ASGR2: variants seen among roughly 807,000 people sequenced by gnomAD.
ASGR2 encodes asialoglycoprotein receptor 2, also known as C-type lectin domain family 4 member H2.
ASGR2 carries 34 observed loss-of-function variants against 32.3 expected under a neutral mutation model. The observed-to-expected ratio is 1.05, with a 90% CI of 0.80 to 1.40. ASGR2 has a LOEUF of 1.40. ASGR2 is among the 40% of genes most tolerant of loss of function. The pLI is 0.00. For missense variants in ASGR2, 385 were observed against 386.4 expected, an observed-to-expected ratio of 1.00 and a Z score of 0.03; for synonymous variants, 143 against 150.0, an observed-to-expected ratio of 0.95 and a Z score of 0.34.
chr17:7,114,294 T>C lies in ASGR2; in HGVS notation c.-54A>G. ...GAGCTGGGCTGGGCTGGGCTGAGGTTGCTCTGAGGGCTGGGGCTGGGGCAG... is the reference window on the plus strand; with the variant it reads ...GAGCTGGGCTGGGCTGGGCTGAGGTCGCTCTGAGGGCTGGGGCTGGGGCAG... On this transcript the variant is annotated 5_prime_UTR_variant, in exon 2 of 9. Transcript: ENST00000691900. This position sits in a 1 kb window ranked among gnomAD's most constrained non-coding sequence, Gnocchi z 4.5. 6.3e-7 allele frequency: 1 copy of C among 1,577,500 alleles called. No individual in the cohort carries two copies. Among genetic ancestry groups the C allele is most frequent in the African/African-American group, 1.4e-5 (1 of 73,944 alleles).
intron 7 of ASGR2, among the ~76,000 whole-genome samples, chr17:7,106,502 T>C (rs1051009897): frequency 5.3e-5 from 8 of 152,218 alleles, no homozygotes; most frequent in African/African-American, 1.9e-4. Flanking sequence ...GCAAAATATG[T>C]TCGTACTCAC....
chr17:7,107,970 A>G lies in ASGR2; in HGVS notation c.338-63T>C, dbSNP rs1597385037. On this transcript the variant is annotated intron_variant, in intron 4 of 8. Transcript: ENST00000691900. The surrounding 1 kb of genome is among the most constrained non-coding windows in gnomAD (Gnocchi z 5.0). ...CCCTCCGTCCTCATGCTGCTGGGGGACCGGGGGCCAGCGCCTCGTCCTGGG... is the reference window on the plus strand; with the variant it reads ...CCCTCCGTCCTCATGCTGCTGGGGGGCCGGGGGCCAGCGCCTCGTCCTGGG... 3 of 1,590,656 alleles carry G rather than the reference A, an allele frequency of 1.9e-6. No homozygotes were observed. The Admixed American group carries it at 5.1e-5, about 27-fold the overall frequency.
Position 7,114,605 on chromosome 17 carries a change from C to T in ASGR2, c.-71+10G>A. On this transcript the variant is annotated intron_variant, in intron 1 of 8. Coordinates refer to ENST00000691900, the MANE Select transcript of ASGR2 (RefSeq NM_001201352.2). This position sits in a 1 kb window ranked among gnomAD's most constrained non-coding sequence, Gnocchi z 4.5. ...ATCCTCGTCCCAGTTGCCTCCCCAG[C>T]CTCAGTTACCTGTGAAAGGTGTGGA... The T allele has an allele frequency of 9.4e-7, 1 of 1,069,338 alleles. No homozygotes were observed. Among genetic ancestry groups the T allele is most frequent in the South Asian group, 3.1e-5 (1 of 31,888 alleles). The allele number at this position is 1,069,338 out of a possible 1,614,324, so 66.2% of individuals were successfully genotyped here. A position where few individuals can be genotyped will look rare whatever the true frequency, so the allele number is the denominator to read the frequency against.
chr17:7,109,286 C>G (rs1334827072), intron 2 of ASGR2, among the ~76,000 whole-genome samples: 1 of 152,068 alleles, frequency 6.6e-6, no homozygotes, highest in African/African-American at 2.4e-5. Flanking sequence ...CCCATCCAGC[C>G]AGTGGCAGAG....
chr17:7,102,152 A>T lies in ASGR2; in HGVS notation c.693T>A (p.Gly231=). The T allele has an allele frequency of 6.2e-7, 1 of 1,614,126 alleles. No homozygotes were observed. Among genetic ancestry groups the T allele is most frequent in the Non-Finnish European group, 8.5e-7 (1 of 1,179,998 alleles). Reference sequence around the variant, plus strand: ...TCCAAGAGCCATCACTGTCCGTGAGACCTATCCAGGTATTGAAGGGGTTCG... The same window carrying T: ...TCCAAGAGCCATCACTGTCCGTGAGTCCTATCCAGGTATTGAAGGGGTTCG... ...QHTNPFNTWI[G]LTDSDGSWKW... Residue 231 remains glycine, a synonymous_variant, in exon 8 of 9, where the codon GGT becomes GGA. Transcript: ENST00000691900.
chr17:7,104,485 C>T (rs777861716), intron 7 of ASGR2, among the ~76,000 whole-genome samples: 27 of 150,836 alleles, frequency 1.8e-4, no homozygotes, highest in Non-Finnish European at 3.5e-4. Flanking sequence ...AACCTTGTCT[C>T]TACTAAAAAT....
rs1912886940 is a variant in ASGR2, at chr17:7,101,972, G to A, written c.755+118C>T. On this transcript the variant is annotated intron_variant, in intron 8 of 8. Transcript: ENST00000691900. The stretch of plus-strand genomic sequence containing the variant: ...CAGCTTTGGAGGGGTTGGAGTCTGG[G>A]GAGGAGAGGATTGGGGAATTTGGTC... 14 of 1,160,434 alleles carry A rather than the reference G, an allele frequency of 1.2e-5. No individual in the cohort carries two copies. In the South Asian group the frequency reaches 1.5e-4, roughly 12 times the overall value. 71.9% of individuals were successfully genotyped at this position (1,160,434 alleles called of 1,614,324 possible).
Position 7,107,191 on chromosome 17 carries a change from G to A in ASGR2, c.496+40C>T, listed in dbSNP as rs1913855093. 6.2e-7 allele frequency: 1 copy of A among 1,614,098 alleles called. No individual in the cohort carries two copies. Among genetic ancestry groups the A allele is most frequent in the South Asian group, 1.1e-5 (1 of 91,084 alleles). ...GGCAGGGAGATGAGATCCAGCCGGA[G>A]GGGCAGGCACACTGGGCCTGGAGAC... is the stretch of plus-strand genomic sequence containing the variant. On this transcript the variant is annotated intron_variant, in intron 6 of 8. Coordinates refer to ENST00000691900, the MANE Select transcript of ASGR2 (RefSeq NM_001201352.2). This position sits in a 1 kb window ranked among gnomAD's most constrained non-coding sequence, Gnocchi z 5.0.
Position 7,108,344 on chromosome 17 carries a change from CT to C in ASGR2, c.337+117del. On this transcript the variant is annotated intron_variant, in intron 4 of 8. Coordinates refer to ENST00000691900, the MANE Select transcript of ASGR2 (RefSeq NM_001201352.2). The surrounding 1 kb of genome is among the most constrained non-coding windows in gnomAD (Gnocchi z 4.9). ...CCCTCCTATACATCCCCCAGGGCCC[CT>C]GGACGCCTTGCCCAGCCTGCACCCC... The C allele has an allele frequency of 9.1e-7, 1 of 1,098,358 alleles. No individual in the cohort carries two copies. The allele number at this position is 1,098,358 out of a possible 1,614,324, so 68.0% of individuals were successfully genotyped here.
intron 7 of ASGR2, 42 bp from the exon 8 acceptor site, chr17:7,102,238 C>A: frequency 6.6e-7 from 1 of 1,525,918 alleles, no homozygotes; most frequent in Non-Finnish European, 9.1e-7. Flanking sequence ...TCTCTTGTGC[C>A]TTTCTCCTCC....
rs1249520928 is a variant in ASGR2 at position 7,101,750 on chromosome 17, C to T, written c.756-10G>A. ...AGTGACAGCCCAGTTCCTAAGGAGG[C>T]AAGAGAAAACTCGGACTCTGCCACG... On this transcript the variant is annotated splice_polypyrimidine_tract_variant and intron_variant, in intron 8 of 8. Coordinates refer to ENST00000691900, the MANE Select transcript of ASGR2 (RefSeq NM_001201352.2). 1 of 1,611,540 alleles carries T rather than the reference C, an allele frequency of 6.2e-7. No individual in the cohort carries two copies. Among genetic ancestry groups the T allele is most frequent in the Admixed American group, 1.7e-5 (1 of 59,944 alleles).
Position 7,108,434 on chromosome 17 carries a change from A to G in ASGR2, c.337+28T>C, listed in dbSNP as rs377637458. The G allele has an allele frequency of 2.6e-6, 4 of 1,562,654 alleles. No individual in the cohort carries two copies. The highest frequency in any genetic ancestry group is 1.7e-6 in the Non-Finnish European group (2 of 1,152,444). On this transcript the variant is annotated intron_variant, in intron 4 of 8. Coordinates refer to ENST00000691900, the MANE Select transcript of ASGR2 (RefSeq NM_001201352.2). This position sits in a 1 kb window ranked among gnomAD's most constrained non-coding sequence, Gnocchi z 4.9. ...GAGCCCAGCAAACCTGTGCGGATAA[A>G]TGAGAACCCAGCCGTCCAGCCCCTC...
In ASGR2 at chr17:7,114,282, C is replaced by T; in HGVS notation, c.-42G>A. On this transcript the variant is annotated 5_prime_UTR_variant, in exon 2 of 9. Transcript: ENST00000691900. This position sits in a 1 kb window ranked among gnomAD's most constrained non-coding sequence, Gnocchi z 4.5. ...GAGCTGGAGCTGGAGCTGGGCTGGG[C>T]TGGGCTGAGGTTGCTCTGAGGGCTG... The T allele has an allele frequency of 1.4e-6, 2 of 1,452,582 alleles. No individual in the cohort carries two copies. Among genetic ancestry groups the T allele is most frequent in the Non-Finnish European group, 1.9e-6 (2 of 1,078,538 alleles). 90.0% of individuals were successfully genotyped at this position (1,452,582 alleles called of 1,614,324 possible). A position where few individuals can be genotyped will look rare whatever the true frequency, so the allele number is the denominator to read the frequency against.
intron 2 of ASGR2, among the ~76,000 whole-genome samples, chr17:7,111,303 GAGGATATTTA>G (rs1914584443): frequency 1.3e-5 from 2 of 152,300 alleles, no homozygotes; most frequent in South Asian, 4.1e-4. Context: ...TAGAATTGTG[GAGGATATTTA>G]AGAGTCCCCA....
chr17:7,107,345 C>T lies in ASGR2; in HGVS notation c.410-28G>A, dbSNP rs763530379. ...AGGACAGACAGGCTGAAAGTGCTGC[C>T]GGCAGGTGTGGTCCCCACCTGCTAG... On this transcript the variant is annotated intron_variant, in intron 5 of 8. Transcript: ENST00000691900. The surrounding 1 kb of genome is among the most constrained non-coding windows in gnomAD (Gnocchi z 5.0). 2.9e-5 allele frequency: 47 copies of T among 1,606,910 alleles called. No individual in the cohort carries two copies. The highest frequency in any genetic ancestry group is 6.6e-5 in the South Asian group (6 of 90,850).
At position 7,107,197 on chromosome 17, in the gene ASGR2, G is replaced by C; in HGVS notation, c.496+34C>G. 1 of 1,614,196 alleles carries C rather than the reference G, an allele frequency of 6.2e-7. No homozygotes were observed. The highest frequency in any genetic ancestry group is 1.1e-5 in the South Asian group (1 of 91,082). On this transcript the variant is annotated intron_variant, in intron 6 of 8. Transcript: ENST00000691900. This position sits in a 1 kb window ranked among gnomAD's most constrained non-coding sequence, Gnocchi z 5.0. ...GAGATGAGATCCAGCCGGAGGGGCA[G>C]GCACACTGGGCCTGGAGACGGCCCC...
intron 7 of ASGR2, among the ~76,000 whole-genome samples, chr17:7,104,362 A>G (rs893343183): frequency 1.3e-5 from 2 of 150,742 alleles, no homozygotes; most frequent in Admixed American, 6.6e-5. Context: ...AAAAAAAAAA[A>G]AAAAAAAAGC....
At position 7,114,202 on chromosome 17, in the gene ASGR2, C is replaced by T. The variant is rs911379971; in HGVS notation, c.39G>A (p.Ser13=). The T allele has an allele frequency of 9.3e-6, 15 of 1,614,076 alleles. No individual in the cohort carries two copies. The highest frequency in any genetic ancestry group is 4.0e-5 in the African/African-American group (3 of 74,922). ...GATGGAAAGGATGGTCATTTTCCTC[C>T]GAGCTCAGCTGCTGGATATCTTGAA... ...KDFQDIQQLS[S]EENDHPFHQG... The change falls in exon 2 of 9, where the codon TCG becomes TCA. Residue 13 remains serine, a synonymous_variant. Coordinates refer to ENST00000691900, the MANE Select transcript of ASGR2 (RefSeq NM_001201352.2). The surrounding 1 kb of genome is among the most constrained non-coding windows in gnomAD (Gnocchi z 4.5).
In ASGR2 at chr17:7,107,951, GTCC is replaced by G. The variant is rs1567764751; in HGVS notation, c.338-47_338-45del. On this transcript the variant is annotated intron_variant, in intron 4 of 8. Coordinates refer to ENST00000691900, the MANE Select transcript of ASGR2 (RefSeq NM_001201352.2). The surrounding 1 kb of genome is among the most constrained non-coding windows in gnomAD (Gnocchi z 5.0). ...CTGTTTCCCCGCTGAGCCTCCCTCC[GTCC>G]TCATGCTGCTGGGGGACCGGGGGCC... is the stretch of plus-strand genomic sequence containing the variant. 6.2e-7 allele frequency: 1 copy of G among 1,608,724 alleles called. No individual in the cohort carries two copies. The highest frequency in any genetic ancestry group is 1.7e-5 in the Admixed American group (1 of 59,776).
Sources: gnomAD v4.1 joint callset for allele counts (sites outside exome capture counted in the v4.1 genomes callset) on GRCh38, gnomAD v4.1.1 for gene constraint, Gnocchi (gnomAD v3.1) non-coding constraint, MANE v1.5 for transcripts, NCBI Gene and HGNC (gene_info 2026-07-23, HGNC 2026-07-21) for gene names.